The following MYH11 variants were observed in gnomAD, a reference collection of about 807,000 sequenced individuals.
The protein encoded by MYH11 is myosin heavy chain 11, also known as myosin-11.
In MYH11, 80 loss-of-function variants were observed where a neutral mutation model predicts 246.6. The observed-to-expected ratio is 0.32, with a 90% CI of 0.27 to 0.39. The LOEUF (loss-of-function observed/expected upper bound fraction) is 0.39, where lower values mean the gene tolerates loss of function less well. Among genes scored for constraint, MYH11 ranks in the 10% least tolerant of loss-of-function variants. MYH11 has a pLI of 1.00. For synonymous variants in MYH11, 1,071 were observed against 1,015.5 expected (o/e 1.05, Z -1.04); for missense variants, 2,158 against 2,546.8 (o/e 0.85, Z 3.29).
Position 15,718,365 on chromosome 16 carries a change from GCTC to G in MYH11, c.5242_5244del (p.Glu1748del), listed in dbSNP as rs748859355. 12 of 1,607,808 alleles carry G rather than the reference GCTC, an allele frequency of 7.5e-6. No homozygotes were observed. The highest frequency in any genetic ancestry group is 6.7e-5 in the Admixed American group (4 of 59,898). ...TCGCTCATGGCCTCCATGTTGCCCT[GCTC>G]CTCCTCCAGCTCCTCCTCCAGCTGG... On this transcript the variant is annotated inframe_deletion, in exon 37 of 41. Coordinates refer to ENST00000300036, the MANE Select transcript of MYH11 (RefSeq NM_002474.3).
chr16:15,717,991 A>G (rs1169058053), intron 37 of MYH11: 1 of 433,414 alleles, frequency 2.3e-6, no homozygotes, highest in Non-Finnish European at 4.3e-6. Flanking sequence ...GGCTCACTGG[A>G]TAAGGTCAGA....
In MYH11 at chr16:15,798,698, A is replaced by C. The variant is rs754419531; in HGVS notation, c.503-11T>G. The C allele has an allele frequency of 6.2e-7, 1 of 1,613,296 alleles. No individual in the cohort carries two copies. The highest frequency in any genetic ancestry group is 1.3e-5 in the African/African-American group (1 of 74,660). ...ACTGGTCCTCCCGATCTGCAAACAGAAAGAAGAAAAAAGAGCCATGAATTA... is the reference window on the plus strand; with the variant it reads ...ACTGGTCCTCCCGATCTGCAAACAGCAAGAAGAAAAAAGAGCCATGAATTA... On this transcript the variant is annotated splice_polypyrimidine_tract_variant and intron_variant, in intron 3 of 40. Coordinates refer to ENST00000300036, the MANE Select transcript of MYH11 (RefSeq NM_002474.3).
chr16:15,723,368 C>T (rs962771839), intron 31 of MYH11, among the ~76,000 whole-genome samples: 8 of 152,076 alleles, frequency 5.3e-5, no homozygotes, highest in East Asian at 1.9e-4. Context: ...ATATGTGGGC[C>T]GGGCATAGTG....
chr16:15,832,453 G>A (rs908120566), intron 2 of MYH11, among the ~76,000 whole-genome samples: 4 of 152,150 alleles, frequency 2.6e-5, no homozygotes, highest in Admixed American at 6.5e-5. Flanking sequence ...CCTGGGAGAC[G>A]ACAGGGAGTG....
intron 40 of MYH11, chr16:15,714,532 A>C (rs1322563051): frequency 2.6e-6 from 1 of 377,950 alleles, no homozygotes; most frequent in Non-Finnish European, 5.0e-6. Flanking sequence ...AGAGCATGTC[A>C]GGAAGGAGGT....
chr16:15,720,588 A>G (rs559687403), intron 33 of MYH11, among the ~76,000 whole-genome samples: 22 of 130,136 alleles, frequency 1.7e-4, no homozygotes, highest in East Asian at 3.0e-4. Context: ...GTCTCCACTG[A>G]AAAAAAAAAA....
At position 15,750,443 on chromosome 16, in the gene MYH11, A is replaced by G; in HGVS notation, c.1865-112T>C. On this transcript the variant is annotated intron_variant, in intron 15 of 40. Transcript: ENST00000300036. This position sits in a 1 kb window ranked among gnomAD's most constrained non-coding sequence, Gnocchi z 4.3. ...CCTGCCCACTCCAATCTTTCCTTCC[A>G]TCACCAACGCCTCCTTCGGCAGTCA... The G allele has an allele frequency of 9.6e-7, 1 of 1,041,962 alleles. No individual in the cohort carries two copies. Among genetic ancestry groups the G allele is most frequent in the South Asian group, 1.4e-5 (1 of 73,152 alleles). 64.5% of individuals were successfully genotyped at this position (1,041,962 alleles called of 1,614,324 possible).
chr16:15,746,799 A>G (rs1158550539), intron 19 of MYH11, among the ~76,000 whole-genome samples: 1 of 152,020 alleles, frequency 6.6e-6, no homozygotes, highest in African/African-American at 2.4e-5. Context: ...CAATTCTAAC[A>G]TGTCTAGGCT....
intron 14 of MYH11, among the ~76,000 whole-genome samples, chr16:15,755,619 T>C (rs1487528876): frequency 2.0e-5 from 3 of 151,992 alleles, no homozygotes; most frequent in Non-Finnish European, 4.4e-5. Context: ...CAAGACCCCA[T>C]ATCTATACAT....
intron 2 of MYH11, among the ~76,000 whole-genome samples, chr16:15,832,346 G>A (rs2043762745): frequency 6.6e-6 from 1 of 152,094 alleles, no homozygotes; most frequent in Non-Finnish European, 1.5e-5. Flanking sequence ...TAGGGTGGAG[G>A]GTCCCACTGT....
intron 40 of MYH11, among the ~76,000 whole-genome samples, chr16:15,712,114 C>T (rs1358760309): frequency 6.6e-6 from 1 of 152,186 alleles, no homozygotes; most frequent in Non-Finnish European, 1.5e-5. Context: ...GCAACTTCAT[C>T]ATTTTAGCTG....
intron 2 of MYH11, among the ~76,000 whole-genome samples, chr16:15,833,415 G>GGAAGGAAC (rs1555458595): frequency 7.8e-4 from 116 of 148,100 alleles, no homozygotes; most frequent in East Asian, 7.2e-3. Flanking sequence ...AAGGAAGGGA[G>GGAAGGAAC]GAACGAACTA....
rs200815887 is a variant in MYH11 at position 15,720,827 on chromosome 16, G to C, written c.4791+12C>G. The stretch of plus-strand genomic sequence containing the variant: ...CCGACCTCCCTCTGCTGGCCTCCCC[G>C]GCAGCACGCACCTGTCTCTGCAGTT... On this transcript the variant is annotated intron_variant, in intron 33 of 40. Transcript: ENST00000300036. 21 of 1,612,686 alleles carry C rather than the reference G, an allele frequency of 1.3e-5. No homozygotes were observed. Among genetic ancestry groups the C allele is most frequent in the Non-Finnish European group, 1.8e-5 (21 of 1,179,946 alleles).
chr16:15,814,987 A>G (rs1309169844), intron 3 of MYH11, among the ~76,000 whole-genome samples: 1 of 152,250 alleles, frequency 6.6e-6, no homozygotes, highest in African/African-American at 2.4e-5. Context: ...ATGATGCTAG[A>G]CAAATCTTTA....
At chr16:15,847,728 C>CA (rs1336178835) in intron 1 of MYH11, among the ~76,000 whole-genome samples, 1 of 152,142 alleles carries the variant, frequency 6.6e-6, no homozygotes, top group Middle Eastern at 3.2e-3. Flanking sequence ...AGTCTCTGTA[C>CA]AAAAAAGGAG....
intron 28 of MYH11, chr16:15,725,968 C>T (rs1321669089): frequency 5.8e-6 from 2 of 343,374 alleles, no homozygotes; most frequent in Non-Finnish European, 1.0e-5. Flanking sequence ...CCCCCTACCC[C>T]CAACCCCAGC....
chr16:15,845,875 T>C (rs55771154), intron 1 of MYH11, among the ~76,000 whole-genome samples: 15,614 of 152,086 alleles, frequency 0.1, 1,069 homozygotes, highest in Middle Eastern at 0.17. Context: ...GAGGATAACT[T>C]GAGGTCAGGA....
intron 40 of MYH11, among the ~76,000 whole-genome samples, chr16:15,710,087 A>G (rs1226965647): frequency 6.6e-6 from 1 of 152,218 alleles, no homozygotes. Context: ...AGAAGGCAGG[A>G]CAGACCTTCC....
At position 15,782,472 on chromosome 16, in the gene MYH11, C is replaced by T. The variant is rs1349541623; in HGVS notation, c.639G>A (p.Glu213=). ...KGKKDTSITG[E]LEKQLLQANP... is the part of the protein sequence containing the mutation. ...TTGCTTGTAGAAGCTGCTTTTCCAG[C>T]TCTCCCTAAAATTCATTCACATCTA... is the stretch of plus-strand genomic sequence containing the variant. The change falls in exon 6 of 41, where the codon GAG becomes GAA. Residue 213 remains glutamate (E), a synonymous_variant. Coordinates refer to ENST00000300036, the MANE Select transcript of MYH11 (RefSeq NM_002474.3). 9 of 1,614,070 alleles carry T rather than the reference C, an allele frequency of 5.6e-6. No homozygotes were observed. Among genetic ancestry groups the T allele is most frequent in the Non-Finnish European group, 7.6e-6 (9 of 1,179,930 alleles).
Sources: allele counts gnomAD v4.1 joint callset (sites outside exome capture counted in the v4.1 genomes callset), GRCh38; gene constraint gnomAD v4.1.1; non-coding constraint Gnocchi (gnomAD v3.1); transcripts MANE v1.5; gene names NCBI Gene and HGNC (gene_info 2026-07-23, HGNC 2026-07-21).